The following RNFT2 variants were observed in gnomAD, a reference collection of about 807,000 sequenced individuals.
RNFT2 encodes the protein ring finger protein, transmembrane 2.
In RNFT2, 36 loss-of-function variants were observed where a neutral mutation model predicts 53.0. The observed-to-expected ratio is 0.68, with a 90% CI of 0.52 to 0.90. The LOEUF (loss-of-function observed/expected upper bound fraction) is 0.90. Among genes scored for constraint, RNFT2 ranks in the 40% least tolerant of loss-of-function variants. RNFT2 has a pLI of 0.00. For synonymous variants in RNFT2, 260 were observed against 253.2 expected, an observed-to-expected ratio of 1.03 and a Z score of -0.26; for missense variants, 514 against 585.6, an observed-to-expected ratio of 0.88 and a Z score of 1.26.
chr12:116,770,016 A>G (rs1331843880), intron 6 of RNFT2, among the ~76,000 whole-genome samples: 1 of 152,208 alleles, frequency 6.6e-6, no homozygotes, highest in Non-Finnish European at 1.5e-5. Flanking sequence ...TCTGGGTGAT[A>G]GAATGAGACT....
chr12:116,740,612 T>C, intron 2 of RNFT2, 91 bp downstream of exon 2: 2 of 1,163,904 alleles, frequency 1.7e-6, no homozygotes, highest in Non-Finnish European at 2.5e-6. Flanking sequence ...ACTCCACCCC[T>C]CCCATGTAAC....
chr12:116,809,555 C>A (rs1446687211), intron 7 of RNFT2, among the ~76,000 whole-genome samples: 1 of 152,222 alleles, frequency 6.6e-6, no homozygotes, highest in East Asian at 1.9e-4. Context: ...CATGGCTTCA[C>A]TGGGAGCCAT....
chr12:116,809,218 CATTCAT>C (rs1875239775), intron 7 of RNFT2, among the ~76,000 whole-genome samples: 1 of 104,590 alleles, frequency 9.6e-6, no homozygotes, highest in Non-Finnish European at 2.1e-5. Context: ...TTCATTCATT[CATTCAT>C]CACCTGGGAG....
chr12:116,839,915 G>C (rs1052444864), intron 10 of RNFT2, among the ~76,000 whole-genome samples: 11 of 152,182 alleles, frequency 7.2e-5, no homozygotes, highest in African/African-American at 2.7e-4. Context: ...AATTGAAGCT[G>C]GTTGGGCAGA....
chr12:116,824,465 G>A (rs1407803105), intron 7 of RNFT2, among the ~76,000 whole-genome samples: 1 of 152,172 alleles, frequency 6.6e-6, no homozygotes, highest in East Asian at 1.9e-4. Flanking sequence ...AAAGGCCAAA[G>A]ATAAGCAGCC....
chr12:116,799,940 A>C (rs1874686649), intron 7 of RNFT2, among the ~76,000 whole-genome samples: 1 of 152,108 alleles, frequency 6.6e-6, no homozygotes, highest in Admixed American at 6.6e-5. Context: ...ACAGGGGTGA[A>C]TCTCATGTGA....
chr12:116,745,278 G>A lies in RNFT2; in HGVS notation c.83+4184G>A, dbSNP rs777959807. ...CAACCTTTGCCTCCCCGGTTCAAGCGATTCTCCTGCCGCAGCCTCCTGAGT... is the reference window on the plus strand; with the variant it reads ...CAACCTTTGCCTCCCCGGTTCAAGCAATTCTCCTGCCGCAGCCTCCTGAGT... On this transcript the variant is annotated intron_variant, in intron 3 of 10. Coordinates refer to ENST00000257575, the MANE Select transcript of RNFT2 (RefSeq NM_001382266.1). Among the ~76,000 whole-genome samples, 19 of 151,318 alleles carry A rather than the reference G, an allele frequency of 1.3e-4. No homozygotes were observed. The East Asian group carries it at 1.6e-3, about 12-fold the overall frequency.
At chr12:116,783,619 C>T (rs1329327804) in intron 7 of RNFT2, among the ~76,000 whole-genome samples, 1 of 152,270 alleles carries the variant, frequency 6.6e-6, no homozygotes, top group Non-Finnish European at 1.5e-5. Flanking sequence ...CCAGCTACAG[C>T]CAAGCTCTGA....
chr12:116,804,410 A>G (rs1874948169), intron 7 of RNFT2, among the ~76,000 whole-genome samples: 1 of 152,340 alleles, frequency 6.6e-6, no homozygotes, highest in South Asian at 2.1e-4. Flanking sequence ...AAGTTTGATA[A>G]CCACAGATCT....
chr12:116,814,670 C>T (rs1347269951), intron 7 of RNFT2, among the ~76,000 whole-genome samples: 2 of 151,864 alleles, frequency 1.3e-5, no homozygotes, highest in African/African-American at 2.4e-5. Flanking sequence ...CCACTGTTGC[C>T]GTATGATATT....
chr12:116,809,337 G>A (rs7316426), intron 7 of RNFT2, among the ~76,000 whole-genome samples: 6,033 of 152,248 alleles, frequency 0.04, 170 homozygotes, highest in South Asian at 0.087. Flanking sequence ...GCTGATGAGA[G>A]GAGAGGTCCT....
At chr12:116,793,140 A>T (rs1464885275) in intron 7 of RNFT2, among the ~76,000 whole-genome samples, 2 of 150,078 alleles carry the variant, frequency 1.3e-5, no homozygotes, top group Non-Finnish European at 3.0e-5. Flanking sequence ...CTGATCTTCA[A>T]CCTCAGCCCC....
rs372899663 is a variant in RNFT2, at chr12:116,808,046, C to T, written c.883-25746C>T. On this transcript the variant is annotated intron_variant, in intron 7 of 10. Transcript: ENST00000257575. ...GGCAATGGCACGATCTCACTACAACCTCCGCCTCCCAGGTTCAAGTCGTTC... is the reference window on the plus strand; with the variant it reads ...GGCAATGGCACGATCTCACTACAACTTCCGCCTCCCAGGTTCAAGTCGTTC... Among the ~76,000 whole-genome samples, 17 of 152,172 alleles carry T rather than the reference C, an allele frequency of 1.1e-4. No homozygotes were observed. The East Asian group carries it at 2.7e-3, about 24-fold the overall frequency.
chr12:116,838,393 G>A lies in RNFT2; in HGVS notation c.1200+2111G>A, dbSNP rs550620304. 3.3e-5 allele frequency among the ~76,000 whole-genome samples: 5 copies of A among 152,282 alleles called. No homozygotes were observed. The East Asian group carries it at 7.7e-4, about 24-fold the overall frequency. On this transcript the variant is annotated intron_variant, in intron 10 of 10. Coordinates refer to ENST00000257575, the MANE Select transcript of RNFT2 (RefSeq NM_001382266.1). ...TGCATCCCATTTCACACACACATGA[G>A]CTCTTGGTAGGATAAATTTCTAGTG...
At chr12:116,791,980 T>C (rs1874254698) in intron 7 of RNFT2, among the ~76,000 whole-genome samples, 1 of 152,226 alleles carries the variant, frequency 6.6e-6, no homozygotes, top group Non-Finnish European at 1.5e-5. Context: ...GCAGTCCTCC[T>C]GCTCCAGAAC....
At chr12:116,802,285 C>G (rs780907792) in intron 7 of RNFT2, among the ~76,000 whole-genome samples, 1 of 152,216 alleles carries the variant, frequency 6.6e-6, no homozygotes, top group Non-Finnish European at 1.5e-5. Flanking sequence ...ACTTATTAAG[C>G]ATGGGACCCT....
At chr12:116,831,375 G>A (rs1876637699) in intron 7 of RNFT2, among the ~76,000 whole-genome samples, 1 of 152,104 alleles carries the variant, frequency 6.6e-6, no homozygotes, top group African/African-American at 2.4e-5. Flanking sequence ...ACTTCTCACT[G>A]GGGATGTTAA....
intron 7 of RNFT2, among the ~76,000 whole-genome samples, chr12:116,789,952 ATGGG>A (rs1218871983): frequency 5.1e-5 from 4 of 78,950 alleles, no homozygotes; most frequent in Non-Finnish European, 5.4e-5. Flanking sequence ...TGGATGGTGG[ATGGG>A]TGGGTGGATG....
intron 7 of RNFT2, among the ~76,000 whole-genome samples, chr12:116,786,458 A>G (rs1873940447): frequency 6.6e-6 from 1 of 152,154 alleles, no homozygotes; most frequent in African/African-American, 2.4e-5. Context: ...TGGTGGGGTC[A>G]GGATGACAGC....
Sources: allele counts gnomAD v4.1 joint callset (sites outside exome capture counted in the v4.1 genomes callset), GRCh38; gene constraint gnomAD v4.1.1; transcripts MANE v1.5; gene names NCBI Gene and HGNC (gene_info 2026-07-23, HGNC 2026-07-21).